The following ZC3H18 variants were observed in gnomAD, a reference collection of about 807,000 sequenced individuals.
The protein encoded by ZC3H18 is zinc finger CCCH-type containing 18.
A neutral mutation model predicts 106.1 loss-of-function variants in ZC3H18; 8 were observed. That is an observed-to-expected ratio of 0.08 (90% CI 0.04 to 0.14). The LOEUF (loss-of-function observed/expected upper bound fraction) is 0.14. ZC3H18 is among the 10% of genes least tolerant of loss of function. The probability of loss-of-function intolerance (pLI) is 1.00; values close to 1 mark genes in which losing one functional copy is unlikely to be tolerated. For synonymous variants in ZC3H18, 635 were observed against 522.1 expected (o/e 1.22, Z -2.95); for missense variants, 1,318 against 1,278.4 (o/e 1.03, Z -0.47).
At chr16:88,623,439 G>C (rs1213571319) in intron 10 of ZC3H18, 95 bp downstream of exon 10, 3 of 1,499,194 alleles carry the variant, frequency 2.0e-6, no homozygotes, top group African/African-American at 1.4e-5. Flanking sequence ...TAGCCCCTTG[G>C]GGTATTGAAG....
intron 1 of ZC3H18, among the ~76,000 whole-genome samples, chr16:88,570,860 G>A (rs368195434): frequency 2.0e-5 from 3 of 152,378 alleles, no homozygotes; most frequent in East Asian, 3.9e-4. Context: ...TCCTGAAGCT[G>A]TCATTTCTCT....
Position 88,611,455 on chromosome 16 carries a change from G to GACA in ZC3H18, c.1394_1395insACA (p.Gln466dup). 1 of 1,537,604 alleles carries GACA rather than the reference G, an allele frequency of 6.5e-7. No homozygotes were observed. The highest frequency in any genetic ancestry group is 8.8e-7 in the Non-Finnish European group (1 of 1,134,364). On this transcript the variant is annotated inframe_insertion, in exon 8 of 18. Transcript: ENST00000301011. ...CGAGCCAAGCGGGACGAGAAGGACC[G>GACA]GCAGCACCGTGACCGCGACCGGGAG...
At chr16:88,630,251 C>T in intron 16 of ZC3H18, 1 of 513,340 alleles carries the variant, frequency 1.9e-6, no homozygotes, top group Non-Finnish European at 3.5e-6. Flanking sequence ...GAGATATTGG[C>T]TGCTTGCTGG....
At chr16:88,588,476 A>G (rs1435973060) in intron 3 of ZC3H18, among the ~76,000 whole-genome samples, 2 of 152,238 alleles carry the variant, frequency 1.3e-5, no homozygotes, top group African/African-American at 4.8e-5. Flanking sequence ...AGCACAAAAC[A>G]GACAGAGAGA....
chr16:88,587,707 T>A, intron 3 of ZC3H18: 1 of 1,258,718 alleles, frequency 7.9e-7, no homozygotes, highest in Non-Finnish European at 1.1e-6. Flanking sequence ...AACACAGCTG[T>A]GAAGCCAGAA....
rs778920136 is a variant in ZC3H18, at chr16:88,624,612, G to A, written c.1909G>A (p.Val637Met). ...CTCCCTGTCTCACAGAGAGAAGTCA[G>A]TGAAGAAGCCGGCCCCGCCTCCAGC... is the stretch of plus-strand genomic sequence containing the variant. ...PPPGKAGEKS[V>M]KKPAPPPAPP... is the part of the protein sequence containing the mutation. Residue 637 changes from valine to methionine, a missense_variant, in exon 12 of 18, where the codon GTG (valine) becomes ATG (methionine). Physicochemically the swap from Val to Met is conservative, Grantham distance 21 (BLOSUM62 1). Transcript: ENST00000301011. 1 of 1,611,540 alleles carries A rather than the reference G, an allele frequency of 6.2e-7. No individual in the cohort carries two copies. Among genetic ancestry groups the A allele is most frequent in the East Asian group, 2.2e-5 (1 of 44,714 alleles).
chr16:88,579,368 G>C (rs1189619129), intron 2 of ZC3H18, among the ~76,000 whole-genome samples: 1 of 152,138 alleles, frequency 6.6e-6, no homozygotes, highest in Non-Finnish European at 1.5e-5. Flanking sequence ...CCACCACTGG[G>C]AGTGCAGCAG....
At chr16:88,587,723 G>T in intron 3 of ZC3H18, 3 of 1,135,898 alleles carry the variant, frequency 2.6e-6, no homozygotes, top group Non-Finnish European at 2.5e-6. Flanking sequence ...CAGAAGGAAA[G>T]GGGGTCTTTG....
chr16:88,603,259 C>A (rs1253606254), intron 6 of ZC3H18, among the ~76,000 whole-genome samples: 2 of 151,816 alleles, frequency 1.3e-5, no homozygotes, highest in Non-Finnish European at 2.9e-5. Context: ...AGCCACCGCA[C>A]CTGGCCTGTT....
At chr16:88,603,099 G>C (rs1324073662) in intron 6 of ZC3H18, among the ~76,000 whole-genome samples, 7 of 151,790 alleles carry the variant, frequency 4.6e-5, no homozygotes, top group Admixed American at 4.6e-4. Flanking sequence ...CGAGTAGCTG[G>C]GACTACAGGC....
chr16:88,584,488 G>A (rs990684715), intron 2 of ZC3H18, among the ~76,000 whole-genome samples: 3 of 151,950 alleles, frequency 2.0e-5, no homozygotes, highest in Non-Finnish European at 4.4e-5. Flanking sequence ...ATGGTGGTTA[G>A]TTGAAAATTC....
At chr16:88,583,462 G>A (rs1476689980) in intron 2 of ZC3H18, among the ~76,000 whole-genome samples, 1 of 152,220 alleles carries the variant, frequency 6.6e-6, no homozygotes, top group Admixed American at 6.5e-5. Flanking sequence ...GTGCAAAGGG[G>A]AAGGCGAGCT....
chr16:88,575,182 T>C (rs904868959), intron 1 of ZC3H18, among the ~76,000 whole-genome samples: 1 of 151,904 alleles, frequency 6.6e-6, no homozygotes, highest in Non-Finnish European at 1.5e-5. Flanking sequence ...AAAAAAAATG[T>C]TTAACTGTAG....
At chr16:88,623,696 C>G in intron 10 of ZC3H18, 1 of 594,746 alleles carries the variant, frequency 1.7e-6, no homozygotes, top group East Asian at 3.0e-5. Flanking sequence ...GAGCCTGTCT[C>G]CTCCTGTCCT....
In ZC3H18 at chr16:88,611,375, G is replaced by C. The variant is rs1567592326; in HGVS notation, c.1314G>C (p.Arg438=). The change falls in exon 8 of 18, where the codon CGG becomes CGC. Residue 438 remains arginine (R), a synonymous_variant. Coordinates refer to ENST00000301011, the MANE Select transcript of ZC3H18 (RefSeq NM_144604.4). ...ERRQRERERE[R]ERERDKERQR... ...GGCAGAGGGAGCGCGAGCGAGAGCG[G>C]GAGCGCGAGCGCGACAAGGAGCGGC... 7.7e-6 allele frequency: 8 copies of C among 1,041,984 alleles called. No homozygotes were observed. In the East Asian group the frequency reaches 7.8e-5, roughly 10 times the overall value. 64.5% of individuals were successfully genotyped at this position (1,041,984 alleles called of 1,614,324 possible). A position where few individuals can be genotyped will look rare whatever the true frequency, so the allele number is the denominator to read the frequency against.
chr16:88,575,057 C>T (rs1016899202), intron 1 of ZC3H18, among the ~76,000 whole-genome samples: 2 of 150,192 alleles, frequency 1.3e-5, no homozygotes, highest in Non-Finnish European at 3.0e-5. Context: ...TCTCGATCTC[C>T]TGACCTCGTG....
intron 16 of ZC3H18, chr16:88,630,131 C>T: frequency 4.3e-6 from 1 of 230,820 alleles, no homozygotes; most frequent in South Asian, 6.7e-5. Context: ...CTCCTAGTCT[C>T]TCGGCTTTGC....
intron 2 of ZC3H18, among the ~76,000 whole-genome samples, chr16:88,581,363 G>A (rs1201647940): frequency 6.6e-6 from 1 of 152,188 alleles, no homozygotes; most frequent in Non-Finnish European, 1.5e-5. Flanking sequence ...GGGTCACTGG[G>A]ACAGGTGAAC....
At chr16:88,598,465 C>A in intron 4 of ZC3H18, 139 bp downstream of exon 4, 1 of 1,468,972 alleles carries the variant, frequency 6.8e-7, no homozygotes. Flanking sequence ...CGAGTGGAAG[C>A]AGGCCTCGGC....
Sources: allele counts gnomAD v4.1 joint callset (sites outside exome capture counted in the v4.1 genomes callset), GRCh38; gene constraint gnomAD v4.1.1; transcripts MANE v1.5; gene names NCBI Gene and HGNC (gene_info 2026-07-23, HGNC 2026-07-21).